ERC1: variants seen among roughly 807,000 people sequenced by gnomAD.
ERC1 encodes ELKS/RAB6-interacting/CAST family member 1, also known as RAB6 interacting protein 2.
ERC1 carries 56 observed loss-of-function variants against 132.0 expected under a neutral mutation model. The observed-to-expected ratio is 0.42, with a 90% CI of 0.34 to 0.53. ERC1 has a LOEUF of 0.53. Ranked by LOEUF, ERC1 falls within the 20% of genes least tolerant of loss-of-function variation. The probability of loss-of-function intolerance (pLI) is 0.03; values close to 1 mark genes in which losing one functional copy is unlikely to be tolerated. For missense variants in ERC1, 1,202 were observed against 1,349.9 expected (o/e 0.89, Z 1.72); for synonymous variants, 478 against 476.1 (o/e 1.00, Z -0.05).
rs1314267457 is a variant in ERC1 at position 1,181,902 on chromosome 12, A to G, written c.1876-23A>G. ...TAAGTGCAAAAGGGAATTTCTTCAC[A>G]TGTTGATATATTCTCTCATCAGGAG... On this transcript the variant is annotated intron_variant, in intron 9 of 18. Coordinates refer to ENST00000360905, the MANE Select transcript of ERC1 (RefSeq NM_178040.4). The G allele has an allele frequency of 5.0e-6, 8 of 1,595,036 alleles. No individual in the cohort carries two copies. The South Asian group carries it at 6.8e-5, about 14-fold the overall frequency.
chr12:1,144,649 C>CGT (rs1491282635), intron 8 of ERC1, among the ~76,000 whole-genome samples: 2 of 140,232 alleles, frequency 1.4e-5, no homozygotes, highest in African/African-American at 3.0e-5. Flanking sequence ...TATATATATA[C>CGT]GTATATATAT....
chr12:1,016,577 TG>T (rs1213502006), intron 1 of ERC1, among the ~76,000 whole-genome samples: 2 of 151,702 alleles, frequency 1.3e-5, no homozygotes, highest in Non-Finnish European at 2.9e-5. Flanking sequence ...GAGGCGAGAC[TG>T]GGGCTGTTTT....
intron 13 of ERC1, among the ~76,000 whole-genome samples, chr12:1,239,391 TA>T (rs1297493660): frequency 6.6e-6 from 1 of 152,092 alleles, no homozygotes; most frequent in East Asian, 1.9e-4. Context: ...ATCTGGGTGT[TA>T]GGGGTACTCC....
At chr12:1,095,192 G>C (rs948422072) in intron 3 of ERC1, among the ~76,000 whole-genome samples, 2 of 152,072 alleles carry the variant, frequency 1.3e-5, no homozygotes, top group Non-Finnish European at 2.9e-5. Context: ...CACTTTGGGA[G>C]GCTTAGGTGG....
intron 18 of ERC1, among the ~76,000 whole-genome samples, chr12:1,484,761 T>C (rs2094174231): frequency 6.6e-6 from 1 of 151,974 alleles, no homozygotes; most frequent in Non-Finnish European, 1.5e-5. Flanking sequence ...GTATTTTTTT[T>C]AGTAGAGATG....
At chr12:1,165,462 T>C (rs2968881) in intron 8 of ERC1, among the ~76,000 whole-genome samples, 65,775 of 151,756 alleles carry the variant, frequency 0.43, 15,973 homozygotes, top group African/African-American at 0.66. Flanking sequence ...CCTGCCACCA[T>C]GCCCGGCGAA....
At chr12:1,110,759 A>G (rs534571578) in intron 5 of ERC1, among the ~76,000 whole-genome samples, 28 of 152,276 alleles carry the variant, frequency 1.8e-4, no homozygotes, top group African/African-American at 6.0e-4. Context: ...GCTGGAGTGC[A>G]GTGGTGTGAT....
intron 13 of ERC1, among the ~76,000 whole-genome samples, chr12:1,250,142 T>C (rs1341626961): frequency 6.6e-6 from 1 of 152,234 alleles, no homozygotes. Context: ...GATGCTTGGC[T>C]TCTCTGTTTT....
At chr12:1,350,004 G>A (rs2084858695) in intron 15 of ERC1, among the ~76,000 whole-genome samples, 1 of 152,128 alleles carries the variant, frequency 6.6e-6, no homozygotes, top group Non-Finnish European at 1.5e-5. Flanking sequence ...GGGAAACCAG[G>A]TTCACAGTGT....
At chr12:1,032,836 T>A (rs1968304976) in intron 2 of ERC1, among the ~76,000 whole-genome samples, 1 of 152,126 alleles carries the variant, frequency 6.6e-6, no homozygotes, top group South Asian at 2.1e-4. Context: ...GAATAATTCC[T>A]AAATATAAAA....
intron 11 of ERC1, among the ~76,000 whole-genome samples, chr12:1,185,091 A>G (rs1307676908): frequency 6.6e-6 from 1 of 152,094 alleles, no homozygotes; most frequent in Admixed American, 6.5e-5. Context: ...TTGTATTTTT[A>G]GTAGAGATGG....
At chr12:1,243,316 T>G (rs1301658745) in intron 13 of ERC1, among the ~76,000 whole-genome samples, 1 of 152,190 alleles carries the variant, frequency 6.6e-6, no homozygotes, top group African/African-American at 2.4e-5. Flanking sequence ...ATCTGTGGAT[T>G]TTCATATTCC....
At chr12:1,130,265 G>A (rs1244582568) in intron 7 of ERC1, among the ~76,000 whole-genome samples, 1 of 152,152 alleles carries the variant, frequency 6.6e-6, no homozygotes, top group Admixed American at 6.5e-5. Context: ...TTGGAAGGCC[G>A]AGACAGGAGG....
chr12:1,354,800 G>A (rs150638496), intron 15 of ERC1, among the ~76,000 whole-genome samples: 205 of 152,172 alleles, frequency 1.3e-3, no homozygotes, highest in African/African-American at 4.4e-3. Flanking sequence ...ACAGGAGTGC[G>A]CCCGGCTAGT....
chr12:1,393,736 T>C (rs903022393), intron 16 of ERC1, among the ~76,000 whole-genome samples: 3 of 151,654 alleles, frequency 2.0e-5, no homozygotes, highest in African/African-American at 7.3e-5. Context: ...TATGTGATTA[T>C]AAAAAGCATT....
intron 17 of ERC1, among the ~76,000 whole-genome samples, chr12:1,412,212 G>T (rs1157200046): frequency 6.6e-6 from 1 of 152,140 alleles, no homozygotes; most frequent in Non-Finnish European, 1.5e-5. Context: ...TCCTTCTCCT[G>T]TTTCCTCACT....
intron 2 of ERC1, among the ~76,000 whole-genome samples, chr12:1,068,739 T>G (rs2154180513): frequency 6.6e-6 from 1 of 152,362 alleles, no homozygotes; most frequent in East Asian, 1.9e-4. Flanking sequence ...ATCAATTTGG[T>G]TCTTTTGTCT....
intron 15 of ERC1, among the ~76,000 whole-genome samples, chr12:1,371,242 G>A (rs1222002541): frequency 8.7e-6 from 1 of 114,426 alleles, no homozygotes; most frequent in Non-Finnish European, 1.8e-5. Flanking sequence ...CTCTGTTTGC[G>A]TGAGTTTGAC....
intron 16 of ERC1, among the ~76,000 whole-genome samples, chr12:1,392,682 A>C (rs1225516773): frequency 6.6e-6 from 1 of 152,238 alleles, no homozygotes; most frequent in Non-Finnish European, 1.5e-5. Context: ...AAGTTTTTCA[A>C]ATATTTGGAT....
Sources: allele counts gnomAD v4.1 joint callset (sites outside exome capture counted in the v4.1 genomes callset), GRCh38; gene constraint gnomAD v4.1.1; transcripts MANE v1.5; gene names NCBI Gene and HGNC (gene_info 2026-07-23, HGNC 2026-07-21).